Variants in EIF3F observed in about 807,000 individuals in gnomAD.
EIF3F encodes the protein deubiquitinating enzyme eIF3f.
In EIF3F, 8 loss-of-function variants were observed where a neutral mutation model predicts 36.0. The observed-to-expected ratio is 0.22, with a 90% CI of 0.13 to 0.40. EIF3F has a LOEUF of 0.40. EIF3F is among the 10% of genes least tolerant of loss of function. The probability of loss-of-function intolerance (pLI) is 1.00; values close to 1 mark genes in which losing one functional copy is unlikely to be tolerated. For synonymous variants in EIF3F, 184 were observed against 188.5 expected, an observed-to-expected ratio of 0.98 and a Z score of 0.19; for missense variants, 430 against 467.6, an observed-to-expected ratio of 0.92 and a Z score of 0.74.
chr11:7,993,095 G>A, intron 4 of EIF3F, 71 bp downstream of exon 4: 5 of 1,481,934 alleles, frequency 3.4e-6, no homozygotes, highest in Non-Finnish European at 4.5e-6. Context: ...CCCCAAGCAA[G>A]GTTAATTCCT....
At position 7,994,573 on chromosome 11, in the gene EIF3F, G is replaced by C. The variant is rs575801173; in HGVS notation, c.745+56G>C. The C allele has an allele frequency of 7.6e-4, 1,168 of 1,528,444 alleles. 22 individuals carry two copies. In the South Asian group the frequency reaches 0.013, roughly 17 times the overall value. The allele number at this position is 1,528,444 out of a possible 1,614,324, so 94.7% of individuals were successfully genotyped here. On this transcript the variant is annotated intron_variant, in intron 5 of 7. Transcript: ENST00000651655. ...GCCATAGGCATTTTCAGGGAAGGGG[G>C]CTGCTAGTCTGCAACATGGACGGAG...
At chr11:7,987,893 C>G in intron 1 of EIF3F, 177 bp downstream of exon 1, 1 of 933,832 alleles carries the variant, frequency 1.1e-6, no homozygotes, top group Non-Finnish European at 1.4e-6. Flanking sequence ...TTCTCAAGCA[C>G]TTGCATCTCT....
chr11:7,993,034 G>T lies in EIF3F; in HGVS notation c.653+10G>T. The T allele has an allele frequency of 6.3e-7, 1 of 1,577,448 alleles. No individual in the cohort carries two copies. On this transcript the variant is annotated intron_variant, in intron 4 of 7. Transcript: ENST00000651655. ...TCAAAGCCTACGTCAGGTGACCACA[G>T]TCTTGGGCTACAAGGGCATAAAACC...
chr11:7,989,188 T>G (rs1942062392), intron 1 of EIF3F, among the ~76,000 whole-genome samples: 1 of 152,224 alleles, frequency 6.6e-6, no homozygotes, highest in South Asian at 2.1e-4. Flanking sequence ...AACTGTGCCC[T>G]GCTCTGAGCT....
Position 7,998,261 on chromosome 11 carries a change from T to A in EIF3F, c.*2239T>A, listed in dbSNP as rs1200781066. 6.6e-6 allele frequency: 1 copy of A among 152,138 alleles called. No homozygotes were observed. The highest frequency in any genetic ancestry group is 1.5e-5 in the Non-Finnish European group (1 of 68,000). 9.4% of individuals were successfully genotyped at this position (152,138 alleles called of 1,614,324 possible). On this transcript the variant is annotated 3_prime_UTR_variant, in exon 8 of 8. Coordinates refer to ENST00000651655, the MANE Select transcript of EIF3F (RefSeq NM_003754.3). ...ATCAACCCATCAGTACATAAACTTGTTACATGTGTTTCTGTTTGAAGACAC... is the reference window on the plus strand; with the variant it reads ...ATCAACCCATCAGTACATAAACTTGATACATGTGTTTCTGTTTGAAGACAC...
chr11:7,990,900 T>TAAATAAATAAAAAAA (rs1554914921), intron 1 of EIF3F, among the ~76,000 whole-genome samples: 1 of 136,878 alleles, frequency 7.3e-6, no homozygotes, highest in East Asian at 2.0e-4. Flanking sequence ...AATAAATAAA[T>TAAATAAATAAAAAAA]AAAAGAAATA....
At position 7,999,800 on chromosome 11, in the gene EIF3F, A is replaced by G. The variant is rs1170674491; in HGVS notation, c.*3778A>G. On this transcript the variant is annotated 3_prime_UTR_variant, in exon 8 of 8. Coordinates refer to ENST00000651655, the MANE Select transcript of EIF3F (RefSeq NM_003754.3). ...ACACATATGATCCAGCAATCCCACT[A>G]CTGGGTATATATCCAAAGGAAATGA... 1 of 152,216 alleles carries G rather than the reference A, an allele frequency of 6.6e-6. No individual in the cohort carries two copies. Among genetic ancestry groups the G allele is most frequent in the Non-Finnish European group, 1.5e-5 (1 of 68,040 alleles). The allele number at this position is 152,216 out of a possible 1,614,324, so 9.4% of individuals were successfully genotyped here.
At chr11:7,995,831 CATTT>C (rs1278723263) in intron 7 of EIF3F, 110 bp from the exon 8 acceptor site, 2 of 829,618 alleles carry the variant, frequency 2.4e-6, no homozygotes, top group African/African-American at 3.4e-5. Flanking sequence ...TCCTAGCTGT[CATTT>C]ATCCACAGCT....
At chr11:7,994,897 A>T (rs997328287) in intron 5 of EIF3F, 85 bp from the exon 6 acceptor site, 19 of 1,565,972 alleles carry the variant, frequency 1.2e-5, no homozygotes, top group Non-Finnish European at 1.7e-5. Context: ...GGACGTTAAG[A>T]CCATCTCTTT....
chr11:7,992,318 C>T (rs1225603863), intron 3 of EIF3F, 155 bp downstream of exon 3: 1 of 692,594 alleles, frequency 1.4e-6, no homozygotes, highest in African/African-American at 1.8e-5. Context: ...TGCCTGTAAT[C>T]CCAGCTGGGA....
intron 3 of EIF3F, chr11:7,992,683 T>C: frequency 1.5e-6 from 1 of 656,742 alleles, no homozygotes; most frequent in Non-Finnish European, 2.6e-6. Flanking sequence ...ACCTTGTAAG[T>C]GACTTGGAAT....
intron 5 of EIF3F, 184 bp downstream of exon 5, chr11:7,994,701 CTG>C: frequency 1.4e-6 from 1 of 697,592 alleles, no homozygotes; most frequent in Non-Finnish European, 2.4e-6. Flanking sequence ...ATTTGAGAAA[CTG>C]TTAAAGGTGG....
At chr11:7,990,365 T>C (rs1288175444) in intron 1 of EIF3F, among the ~76,000 whole-genome samples, 1 of 152,236 alleles carries the variant, frequency 6.6e-6, no homozygotes. Flanking sequence ...GTGTGCAGTC[T>C]CTATCACAAC....
intron 2 of EIF3F, 77 bp downstream of exon 2, chr11:7,991,928 A>G (rs897510740): frequency 1.3e-6 from 2 of 1,553,490 alleles, no homozygotes; most frequent in African/African-American, 1.4e-5. Flanking sequence ...TCCCTCCCAC[A>G]CTCATAACTA....
intron 1 of EIF3F, chr11:7,987,986 T>C (rs1942048351): frequency 5.5e-6 from 2 of 366,748 alleles, no homozygotes; most frequent in Admixed American, 4.9e-5. Flanking sequence ...GAATATTTTA[T>C]GCCAGTGGTT....
In EIF3F at chr11:7,987,505, AGCAGCGGCT is replaced by A; in HGVS notation, c.157_165del (p.Ala53_Ala55del). ...CAGCCTCATCCTCAGACCCTGCGGC[AGCAGCGGCT>A]GCAACTGCGGCTCCTGGCCAGACCC... On this transcript the variant is annotated inframe_deletion, in exon 1 of 8. Transcript: ENST00000651655. 6.2e-7 allele frequency: 1 copy of A among 1,606,104 alleles called. No individual in the cohort carries two copies. Among genetic ancestry groups the A allele is most frequent in the Non-Finnish European group, 8.5e-7 (1 of 1,177,756 alleles).
intron 4 of EIF3F, 138 bp from the exon 5 acceptor site, chr11:7,994,286 CCT>C: frequency 1.5e-6 from 1 of 688,700 alleles, no homozygotes; most frequent in Non-Finnish European, 2.5e-6. Flanking sequence ...TCCCATGAGA[CCT>C]CTGGGGTTCA....
At position 7,987,338 on chromosome 11, in the gene EIF3F, T is replaced by C. The variant is rs753366278; in HGVS notation, c.-15T>C. ...TGCTGTCATTTCCGCTTCCGCCTCCTTCTTTCTCGACAAGATGGCCACACC... is the reference window on the plus strand; with the variant it reads ...TGCTGTCATTTCCGCTTCCGCCTCCCTCTTTCTCGACAAGATGGCCACACC... On this transcript the variant is annotated 5_prime_UTR_variant, in exon 1 of 8. Transcript: ENST00000651655. The C allele has an allele frequency of 6.3e-7, 1 of 1,588,154 alleles. No individual in the cohort carries two copies. Among genetic ancestry groups the C allele is most frequent in the East Asian group, 2.3e-5 (1 of 44,406 alleles).
At chr11:7,993,296 A>G (rs1190262488) in intron 4 of EIF3F, among the ~76,000 whole-genome samples, 2 of 152,298 alleles carry the variant, frequency 1.3e-5, no homozygotes, top group South Asian at 2.1e-4. Flanking sequence ...GGACCTAACT[A>G]TTCCATAGTT....
Sources: gnomAD v4.1 joint callset for allele counts (sites outside exome capture counted in the v4.1 genomes callset) on GRCh38, gnomAD v4.1.1 for gene constraint, MANE v1.5 for transcripts, NCBI Gene and HGNC (gene_info 2026-07-23, HGNC 2026-07-21) for gene names.